ANK2: variants seen among roughly 807,000 people sequenced by gnomAD.
ANK2 encodes ankyrin-2.
Under a neutral mutation model 360.5 loss-of-function variants are expected in ANK2, and 83 were observed. The ratio of observed to expected loss-of-function variants is 0.23; its 90% confidence interval spans 0.19 to 0.28. The LOEUF (loss-of-function observed/expected upper bound fraction) is 0.28, where lower values mean the gene tolerates loss of function less well. ANK2 is among the 10% of genes least tolerant of loss of function. The pLI, the probability that ANK2 is intolerant of heterozygous loss-of-function variation, is 1.00. For synonymous variants in ANK2, 1,740 were observed against 1,759.5 expected, an observed-to-expected ratio of 0.99 and a Z score of 0.28; for missense variants, 4,201 against 4,795.7, an observed-to-expected ratio of 0.88 and a Z score of 3.66.
In ANK2 at chr4:113,356,151, A is replaced by G; in HGVS notation, c.7533A>G (p.Arg2511=). ...EVASVRSRLL[R]DPDGSAEDDS... ...CCTCTGTGCGGTCCCGGCTACTCCGAGACCCTGATGGCAGTGCTGAGGATG... is the reference window on the plus strand; with the variant it reads ...CCTCTGTGCGGTCCCGGCTACTCCGGGACCCTGATGGCAGTGCTGAGGATG... Residue 2511 remains arginine, a synonymous_variant, in exon 38 of 46, where the codon CGA becomes CGG. Transcript: ENST00000357077. The G allele has an allele frequency of 1.2e-6, 2 of 1,614,120 alleles. No individual in the cohort carries two copies. The highest frequency in any genetic ancestry group is 2.2e-5 in the South Asian group (2 of 91,074).
At chr4:112,896,329 A>T (rs1027230297) in intron 1 of ANK2, among the ~76,000 whole-genome samples, 4 of 152,232 alleles carry the variant, frequency 2.6e-5, no homozygotes, top group South Asian at 2.1e-4. Flanking sequence ...TCGTTCATTC[A>T]TCAGGGGCAA....
At chr4:113,381,247 T>TA (rs1373297538) in intron 45 of ANK2, among the ~76,000 whole-genome samples, 2 of 152,066 alleles carry the variant, frequency 1.3e-5, no homozygotes, top group Admixed American at 6.6e-5. Flanking sequence ...AAACACATTT[T>TA]AAAAAAATCT....
chr4:113,356,293 A>G lies in ANK2; in HGVS notation c.7675A>G (p.Thr2559Ala). 6.2e-7 allele frequency: 1 copy of G among 1,614,168 alleles called. No individual in the cohort carries two copies. Among genetic ancestry groups the G allele is most frequent in the Admixed American group, 1.7e-5 (1 of 60,016 alleles). The change falls in exon 38 of 46, where the codon ACA becomes GCA. Residue 2559 changes from threonine to alanine, a missense_variant. Transcript: ENST00000357077. ...EVTPKTTDVS[T>A]PKPAVIHECA... is the part of the protein sequence containing the mutation. Reference sequence around the variant, plus strand: ...TACACCCAAAACCACAGATGTAAGTACACCAAAACCAGCTGTGATTCATGA... The same window carrying G: ...TACACCCAAAACCACAGATGTAAGTGCACCAAAACCAGCTGTGATTCATGA...
chr4:113,378,853 TA>T (rs1295636973), intron 45 of ANK2, among the ~76,000 whole-genome samples: 2 of 152,188 alleles, frequency 1.3e-5, no homozygotes, highest in Non-Finnish European at 2.9e-5. Context: ...TCCACAGATC[TA>T]CTCTGGCTTC....
chr4:113,046,995 T>C (rs1184118746), upstream of ANK2, among the ~76,000 whole-genome samples: 2 of 152,328 alleles, frequency 1.3e-5, no homozygotes, highest in African/African-American at 2.4e-5. Flanking sequence ...AACACATTGA[T>C]TGAAAAACGT....
intron 1 of ANK2, among the ~76,000 whole-genome samples, chr4:113,098,134 T>G (rs985653868): frequency 4.0e-5 from 6 of 151,568 alleles, no homozygotes; most frequent in Admixed American, 3.9e-4. Flanking sequence ...TCCATCAATC[T>G]AAGCTTTTAT....
intron 23 of ANK2, among the ~76,000 whole-genome samples, chr4:113,309,169 G>T (rs1040248371): frequency 1.3e-5 from 2 of 152,294 alleles, no homozygotes; most frequent in Non-Finnish European, 1.5e-5. Context: ...GTCTTCGAGA[G>T]AAATTTTATA....
At chr4:112,924,256 C>T (rs1029355048) in intron 2 of ANK2, among the ~76,000 whole-genome samples, 4 of 151,762 alleles carry the variant, frequency 2.6e-5, no homozygotes, top group African/African-American at 7.3e-5. Flanking sequence ...GTAATCCCAG[C>T]TACTCGGGAG....
At position 113,004,961 on chromosome 4, in the gene ANK2, T is replaced by C. The variant is rs543828330; in HGVS notation, c.21+100447T>C. Among the ~76,000 whole-genome samples, 42 of 152,316 alleles carry C rather than the reference T, an allele frequency of 2.8e-4. 1 individual carries two copies. The East Asian group carries it at 3.9e-3, about 14-fold the overall frequency. On this transcript the variant is annotated intron_variant, in intron 2 of 30. Transcript: ENST00000503271. ...TGTATTTTAATAAGCCGTAAGAGAA[T>C]CTTTTTATAACCTTGAAGTGAGTAA...
intron 1 of ANK2, among the ~76,000 whole-genome samples, chr4:112,821,167 G>T (rs1197390717): frequency 6.6e-6 from 1 of 151,684 alleles, no homozygotes; most frequent in Non-Finnish European, 1.5e-5. Context: ...CGCCCGCCTC[G>T]GTCTCCCAAA....
intron 4 of ANK2, among the ~76,000 whole-genome samples, chr4:113,199,860 T>C (rs961819627): frequency 6.6e-6 from 1 of 152,194 alleles, no homozygotes; most frequent in Non-Finnish European, 1.5e-5. Context: ...GCCAGCTCTG[T>C]TCCATCTATT....
chr4:113,102,344 C>A (rs1018650027), intron 1 of ANK2, among the ~76,000 whole-genome samples: 1 of 151,866 alleles, frequency 6.6e-6, no homozygotes, highest in South Asian at 2.1e-4. Flanking sequence ...AAAAACATTT[C>A]GGGGGAAAAA....
chr4:112,957,849 C>T (rs1458285271), intron 2 of ANK2, among the ~76,000 whole-genome samples: 1 of 143,736 alleles, frequency 7.0e-6, no homozygotes, highest in African/African-American at 2.6e-5. Context: ...GGGGCGGTTG[C>T]CAGGCAGAGG....
rs769313056 is a variant in ANK2, at chr4:113,353,039, T to C, written c.4427-6T>C. ...TTACTTTCAATGTTTTTCATTCACA[T>C]CAAAGATGATGAGACAGAATCTACA... On this transcript the variant is annotated splice_region_variant and splice_polypyrimidine_tract_variant and intron_variant, in intron 37 of 45. Transcript: ENST00000357077. 2 of 1,612,926 alleles carry C rather than the reference T, an allele frequency of 1.2e-6. No homozygotes were observed. The highest frequency in any genetic ancestry group is 1.7e-6 in the Non-Finnish European group (2 of 1,179,364).
chr4:112,958,357 C>G (rs113162423), intron 2 of ANK2, among the ~76,000 whole-genome samples: 1 of 152,196 alleles, frequency 6.6e-6, no homozygotes, highest in Non-Finnish European at 1.5e-5. Flanking sequence ...CTCGGGAGGC[C>G]GAGGCTGGCG....
At chr4:113,196,967 A>C (rs904717874) in intron 3 of ANK2, among the ~76,000 whole-genome samples, 7 of 152,210 alleles carry the variant, frequency 4.6e-5, no homozygotes, top group African/African-American at 1.7e-4. Context: ...CAGTCTGAAA[A>C]ATCTGTAAAC....
rs756398380 is a variant in ANK2 at position 113,292,448 on chromosome 4, G to T, written c.2310G>T (p.Gln770His). ...ACACGCCTTTGCACCAGGCCGCTCA[G>T]CAGGGTCACACGCACATCATCAACG... Reference protein sequence around the residue: ...NGYTPLHQAAQQGHTHIINVL... With the variant: ...NGYTPLHQAAHQGHTHIINVL... Residue 770 changes from glutamine to histidine, a missense_variant, in exon 21 of 46, where the codon CAG becomes CAT. Transcript: ENST00000357077. 1 of 1,611,596 alleles carries T rather than the reference G, an allele frequency of 6.2e-7. No homozygotes were observed. The highest frequency in any genetic ancestry group is 1.1e-5 in the South Asian group (1 of 90,432).
chr4:113,025,072 T>C (rs188509799), intron 2 of ANK2, among the ~76,000 whole-genome samples: 1 of 152,170 alleles, frequency 6.6e-6, no homozygotes, highest in Admixed American at 6.6e-5. Context: ...ATGATCATCT[T>C]TTTTTTTCTA....
At chr4:112,815,320 A>G (rs1189219518), upstream of ANK2, among the ~76,000 whole-genome samples, 1 of 152,230 alleles carries the variant, frequency 6.6e-6, no homozygotes, top group African/African-American at 2.4e-5. Flanking sequence ...CTTTGGTATC[A>G]TTTTCAGTGA....
Sources: gnomAD v4.1 joint callset for allele counts (sites outside exome capture counted in the v4.1 genomes callset) on GRCh38, gnomAD v4.1.1 for gene constraint, MANE v1.5 for transcripts, NCBI Gene and HGNC (gene_info 2026-07-23, HGNC 2026-07-21) for gene names.